Variants in PCDH15 observed in about 807,000 individuals in gnomAD.
PCDH15 encodes the protein protocadherin-15.
In PCDH15, 129 loss-of-function variants were observed where a neutral mutation model predicts 178.5. The ratio of observed to expected loss-of-function variants is 0.72; its 90% CI spans 0.63 to 0.84. The LOEUF (loss-of-function observed/expected upper bound fraction) is 0.84, where lower values mean the gene tolerates loss of function less well. PCDH15 is among the 40% of genes least tolerant of loss of function. The pLI is 0.00. For synonymous variants in PCDH15, 800 were observed against 732.0 expected (o/e 1.09, Z -1.50); for missense variants, 2,230 against 2,099.9 (o/e 1.06, Z -1.21).
intron 17 of PCDH15, among the ~76,000 whole-genome samples, chr10:54,073,439 C>T (rs895428259): frequency 6.6e-6 from 1 of 152,042 alleles, no homozygotes; most frequent in Non-Finnish European, 1.5e-5. Flanking sequence ...TTTTCTCACG[C>T]ATGTATTTTT....
intron 2 of PCDH15, among the ~76,000 whole-genome samples, chr10:55,055,327 T>C (rs1422901273): frequency 6.6e-5 from 10 of 152,198 alleles, no homozygotes; most frequent in Non-Finnish European, 1.5e-4. Flanking sequence ...GTAACTCAGA[T>C]ACTCAACAAA....
chr10:54,264,035 T>A (rs1320894435), intron 8 of PCDH15, among the ~76,000 whole-genome samples: 1 of 152,064 alleles, frequency 6.6e-6, no homozygotes, highest in African/African-American at 2.4e-5. Flanking sequence ...CTTACACCAG[T>A]GGTTTGCCAG....
chr10:55,233,647 C>A (rs1841291942), intron 1 of PCDH15, among the ~76,000 whole-genome samples: 1 of 151,868 alleles, frequency 6.6e-6, no homozygotes, highest in South Asian at 2.1e-4. Flanking sequence ...TTTCTAATCT[C>A]CTCCCTAGAT....
At chr10:54,664,333 T>C in intron 1 of PCDH15, 43 bp from the exon 2 acceptor site, 1 of 1,206,708 alleles carries the variant, frequency 8.3e-7, no homozygotes, top group South Asian at 1.3e-5. Flanking sequence ...ACATGTTCAT[T>C]AATCTGTTAT....
Position 54,020,243 on chromosome 10 carries a change from A to G in PCDH15, c.2700T>C (p.Asp900=), listed in dbSNP as rs1589949635. Residue 900 remains aspartate, a synonymous_variant, in exon 20 of 38, where the codon GAT becomes GAC. Transcript: ENST00000644397. ...TACCAGGTGGCATTGTTCCATAAAT[A>G]TCAAAGGCCTCTACCAGAAAAGTGA... The part of the protein sequence containing the change: ...ASITFLVEAF[D]IYGTMPPGIA... The G allele has an allele frequency of 6.2e-7, 1 of 1,613,774 alleles. No homozygotes were observed.
At chr10:54,847,763 A>C (rs935883763) in intron 3 of PCDH15, among the ~76,000 whole-genome samples, 53 of 152,318 alleles carry the variant, frequency 3.5e-4, no homozygotes, top group African/African-American at 1.3e-3. Flanking sequence ...GAGCACCCAC[A>C]TATATGTCTA....
At chr10:55,177,258 G>T (rs139312599) in intron 1 of PCDH15, among the ~76,000 whole-genome samples, 3 of 152,168 alleles carry the variant, frequency 2.0e-5, no homozygotes, top group African/African-American at 7.2e-5. Context: ...TGATGAGATA[G>T]CTCATCCCTT....
chr10:54,716,892 G>A (rs1420238557), intron 1 of PCDH15, among the ~76,000 whole-genome samples: 1 of 147,438 alleles, frequency 6.8e-6, no homozygotes, highest in Non-Finnish European at 1.5e-5. Flanking sequence ...AAACAGCATG[G>A]TACTGGTACC....
intron 1 of PCDH15, among the ~76,000 whole-genome samples, chr10:55,256,438 C>T (rs6481151): frequency 0.68 from 102,946 of 152,114 alleles, 34,968 homozygotes; most frequent in East Asian, 0.84. Context: ...TCGCCTCACC[C>T]GGGAAGTACA....
At chr10:54,801,842 C>A (rs754192795), upstream of PCDH15, among the ~76,000 whole-genome samples, 3 of 152,142 alleles carry the variant, frequency 2.0e-5, no homozygotes, top group Non-Finnish European at 2.9e-5. Flanking sequence ...AACATTATAG[C>A]ATATTTCTTA....
At chr10:55,492,139 G>T (rs531049951) in intron 2 of PCDH15, among the ~76,000 whole-genome samples, 1 of 151,516 alleles carries the variant, frequency 6.6e-6, no homozygotes, top group African/African-American at 2.4e-5. Context: ...TGAAAAATTT[G>T]TGCATGAGCA....
chr10:54,372,983 C>T (rs1489886730), intron 4 of PCDH15, among the ~76,000 whole-genome samples: 1 of 150,656 alleles, frequency 6.6e-6, no homozygotes, highest in Non-Finnish European at 1.5e-5. Context: ...AAAAATTTTC[C>T]CACAAAAATG....
chr10:55,192,506 A>G (rs1839970353), intron 1 of PCDH15, among the ~76,000 whole-genome samples: 1 of 151,718 alleles, frequency 6.6e-6, no homozygotes, highest in Admixed American at 6.6e-5. Flanking sequence ...TTTTTTTAAT[A>G]CTTTTCCTGC....
chr10:54,111,043 A>AACTG (rs2095013948), intron 15 of PCDH15, among the ~76,000 whole-genome samples: 1 of 152,200 alleles, frequency 6.6e-6, no homozygotes, highest in African/African-American at 2.4e-5. Flanking sequence ...CTCACTAGAC[A>AACTG]ACTGATACTT....
intron 1 of PCDH15, among the ~76,000 whole-genome samples, chr10:55,313,357 A>G (rs1354985778): frequency 1.3e-5 from 2 of 152,224 alleles, no homozygotes; most frequent in African/African-American, 2.4e-5. Flanking sequence ...TTAACAAAAA[A>G]TACAATTCTT....
chr10:53,905,760 T>C (rs2082639931), intron 25 of PCDH15, among the ~76,000 whole-genome samples: 1 of 152,158 alleles, frequency 6.6e-6, no homozygotes, highest in African/African-American at 2.4e-5. Context: ...CAGTGGCCTG[T>C]ATCAGATATT....
At chr10:55,296,904 A>AT (rs1309262110) in intron 1 of PCDH15, among the ~76,000 whole-genome samples, 3 of 152,160 alleles carry the variant, frequency 2.0e-5, no homozygotes, top group Non-Finnish European at 4.4e-5. Flanking sequence ...AACAAACACT[A>AT]TAAGACTAAC....
chr10:54,499,153 A>T (rs1038022362), intron 3 of PCDH15, among the ~76,000 whole-genome samples: 1 of 152,142 alleles, frequency 6.6e-6, no homozygotes, highest in African/African-American at 2.4e-5. Context: ...CCAACAATGG[A>T]GCATCTAGAT....
intron 28 of PCDH15, among the ~76,000 whole-genome samples, chr10:53,849,753 A>T (rs891576446): frequency 6.6e-6 from 1 of 150,542 alleles, no homozygotes; most frequent in African/African-American, 2.4e-5. Flanking sequence ...AGTCCCAGCA[A>T]TTCAGGAGGC....
Sources: allele counts gnomAD v4.1 joint callset (sites outside exome capture counted in the v4.1 genomes callset), GRCh38; gene constraint gnomAD v4.1.1; transcripts MANE v1.5; gene names NCBI Gene and HGNC (gene_info 2026-07-23, HGNC 2026-07-21).